PCSK7: variants seen among roughly 807,000 people sequenced by gnomAD.
PCSK7 encodes the protein proprotein convertase subtilisin/kexin type 7, also known as lymphoma proprotein convertase.
PCSK7 carries 38 observed loss-of-function variants against 73.3 expected under a neutral mutation model. That is an observed-to-expected ratio of 0.52 (90% confidence interval 0.40 to 0.68). The LOEUF (loss-of-function observed/expected upper bound fraction) is 0.68, where lower values mean the gene tolerates loss of function less well. Ranked by LOEUF, PCSK7 falls within the 30% of genes least tolerant of loss-of-function variation. The probability of loss-of-function intolerance (pLI) is 0.00; values close to 1 mark genes in which losing one functional copy is unlikely to be tolerated. For synonymous variants in PCSK7, 296 were observed against 383.8 expected, an observed-to-expected ratio of 0.77 and a Z score of 2.68; for missense variants, 692 against 991.5, an observed-to-expected ratio of 0.70 and a Z score of 4.06.
At chr11:117,227,374 G>A in intron 4 of PCSK7, 52 bp from the exon 5 acceptor site, 1 of 1,376,378 alleles carries the variant, frequency 7.3e-7, no homozygotes, top group African/African-American at 1.4e-5. Context: ...GAGGGGATCA[G>A]GTCCTGGGGT....
intron 8 of PCSK7, 116 bp from the exon 9 acceptor site, chr11:117,223,424 C>T (rs2032285964): frequency 2.8e-6 from 2 of 702,048 alleles, no homozygotes; most frequent in African/African-American, 3.5e-5. Flanking sequence ...GAGTTTGAAA[C>T]ATGATCTGAG....
Position 117,218,588 on chromosome 11 carries a change from G to A in PCSK7, c.1432-20C>T, listed in dbSNP as rs1289711301. ...CCAGATCTATGAAAGGAAAGGAGGG[G>A]ATGGCAAATCAACAAACAAGAATGA... is the stretch of plus-strand genomic sequence containing the variant. On this transcript the variant is annotated intron_variant, in intron 11 of 16. Coordinates refer to ENST00000320934, the MANE Select transcript of PCSK7 (RefSeq NM_004716.4). This position sits in a 1 kb window ranked among gnomAD's most constrained non-coding sequence, Gnocchi z 4.0. 4 of 1,366,212 alleles carry A rather than the reference G, an allele frequency of 2.9e-6. No individual in the cohort carries two copies. Among genetic ancestry groups the A allele is most frequent in the Non-Finnish European group, 4.1e-6 (4 of 971,800 alleles). 84.6% of individuals were successfully genotyped at this position (1,366,212 alleles called of 1,614,324 possible).
rs2031254888 is a variant in PCSK7 at position 117,204,522 on chromosome 11, G to C, written c.*1475C>G. 1 of 1,113,024 alleles carries C rather than the reference G, an allele frequency of 9.0e-7. No individual in the cohort carries two copies. The highest frequency in any genetic ancestry group is 1.3e-5 in the South Asian group (1 of 75,088). 68.9% of individuals were successfully genotyped at this position (1,113,024 alleles called of 1,614,324 possible). A position where few individuals can be genotyped will look rare whatever the true frequency, so the allele number is the denominator to read the frequency against. ...AACTGCACCTGGGCAGCTCCTCCCT[G>C]TGCCCCCAGCCTCAGCCCAACTTCT... On this transcript the variant is annotated 3_prime_UTR_variant, in exon 17 of 17. Coordinates refer to ENST00000320934, the MANE Select transcript of PCSK7 (RefSeq NM_004716.4).
At position 117,224,894 on chromosome 11, in the gene PCSK7, G is replaced by C. The variant is rs943615091; in HGVS notation, c.861-139C>G. ...AAGGGTTCCACTTAAAGGCTTCCGT[G>C]ATTAAAAGGCACAGGGTTCAAAGGT... On this transcript the variant is annotated intron_variant, in intron 6 of 16. Coordinates refer to ENST00000320934, the MANE Select transcript of PCSK7 (RefSeq NM_004716.4). 4.3e-6 allele frequency: 3 copies of C among 703,848 alleles called. No individual in the cohort carries two copies. In the African/African-American group the frequency reaches 5.3e-5, roughly 12 times the overall value. 43.6% of individuals were successfully genotyped at this position (703,848 alleles called of 1,614,324 possible).
Position 117,224,796 on chromosome 11 carries a change from G to A in PCSK7, c.861-41C>T, listed in dbSNP as rs746185411. On this transcript the variant is annotated intron_variant, in intron 6 of 16. Transcript: ENST00000320934. The stretch of plus-strand genomic sequence containing the variant: ...TACCTAGAGGGGACAGCCAGAGCCA[G>A]GCTGCGGCTACCCACCCAGCGCCTC... The A allele has an allele frequency of 6.6e-6, 10 of 1,525,380 alleles. No individual in the cohort carries two copies. In the East Asian group the frequency reaches 2.3e-4, roughly 34 times the overall value. The allele number at this position is 1,525,380 out of a possible 1,614,324, so 94.5% of individuals were successfully genotyped here.
At position 117,205,775 on chromosome 11, in the gene PCSK7, C is replaced by T. The variant is rs2031335462; in HGVS notation, c.*222G>A. 1 of 440,424 alleles carries T rather than the reference C, an allele frequency of 2.3e-6. No individual in the cohort carries two copies. Among genetic ancestry groups the T allele is most frequent in the Non-Finnish European group, 4.0e-6 (1 of 247,900 alleles). 27.3% of individuals were successfully genotyped at this position (440,424 alleles called of 1,614,324 possible). A position where few individuals can be genotyped will look rare whatever the true frequency, so the allele number is the denominator to read the frequency against. ...GCGCCAATCCCCTGTCCAACACCTT[C>T]TCACCAAAAGCTCCCGTTTGGCTGG... On this transcript the variant is annotated 3_prime_UTR_variant, in exon 17 of 17. Transcript: ENST00000320934.
At chr11:117,226,259 C>T (rs531225296) in intron 5 of PCSK7, 302 of 515,420 alleles carry the variant, frequency 5.9e-4, no homozygotes, top group Non-Finnish European at 9.1e-4. Context: ...GCCTCAGCCT[C>T]GAAGTAGCTG....
rs1244117497 is a variant in PCSK7, at chr11:117,218,612, G to C, written c.1432-44C>G. ...GGATGGCAAATCAACAAACAAGAAT[G>C]ATCACACCCACATTCTCACAAACAC... On this transcript the variant is annotated intron_variant, in intron 11 of 16. Transcript: ENST00000320934. This position sits in a 1 kb window ranked among gnomAD's most constrained non-coding sequence, Gnocchi z 4.0. The C allele has an allele frequency of 9.5e-7, 1 of 1,054,882 alleles. No individual in the cohort carries two copies. Among genetic ancestry groups the C allele is most frequent in the South Asian group, 1.4e-5 (1 of 72,734 alleles). 65.3% of individuals were successfully genotyped at this position (1,054,882 alleles called of 1,614,324 possible).
Position 117,227,312 on chromosome 11 carries a change from C to G in PCSK7, c.614G>C (p.Gly205Ala). The change falls in exon 5 of 17, where the codon GGT becomes GCT. Residue 205 changes from glycine to alanine, a missense_variant. Physicochemically the swap from Gly to Ala is moderately conservative, Grantham distance 60. Transcript: ENST00000320934. ...GTCATTAGAGTTGAGGTCATAGCTA[C>G]CCTCAGGGCTCTGAAATATTTTGGA... is the stretch of plus-strand genomic sequence containing the variant. ...QDIAPNYSPE[G>A]SYDLNSNDPD... is the part of the protein sequence containing the mutation. 1.2e-6 allele frequency: 2 copies of G among 1,613,128 alleles called. No individual in the cohort carries two copies. The highest frequency in any genetic ancestry group is 1.7e-6 in the Non-Finnish European group (2 of 1,179,114).
chr11:117,223,648 G>A, intron 8 of PCSK7: 1 of 371,942 alleles, frequency 2.7e-6, no homozygotes, highest in Non-Finnish European at 4.9e-6. Flanking sequence ...AGGCATCAGG[G>A]CCATATGGAA....
intron 9 of PCSK7, 162 bp downstream of exon 9, chr11:117,223,046 C>G (rs950115960): frequency 2.9e-5 from 18 of 617,396 alleles, no homozygotes; most frequent in Non-Finnish European, 4.7e-5. Flanking sequence ...CCCGAGTCTA[C>G]TACTCCAAGG....
At chr11:117,220,406 C>T (rs2032145860) in intron 9 of PCSK7, 1 of 152,318 alleles carries the variant, frequency 6.6e-6, no homozygotes, top group Non-Finnish European at 1.5e-5. Context: ...CTGCACCACA[C>T]TAATATTCTT....
chr11:117,227,127 T>A (rs756787236), intron 5 of PCSK7, 30 bp downstream of exon 5: 1 of 1,564,422 alleles, frequency 6.4e-7, no homozygotes, highest in Non-Finnish European at 8.7e-7. Flanking sequence ...AGGAGCAGCC[T>A]ACCAAGGCTA....
rs1230450335 is a variant in PCSK7 at position 117,206,814 on chromosome 11, G to A, written c.1881-16C>T. 1 of 710,246 alleles carries A rather than the reference G, an allele frequency of 1.4e-6. No homozygotes were observed. The highest frequency in any genetic ancestry group is 1.8e-5 in the African/African-American group (1 of 55,760). The allele number at this position is 710,246 out of a possible 1,614,324, so 44.0% of individuals were successfully genotyped here. On this transcript the variant is annotated splice_polypyrimidine_tract_variant and intron_variant, in intron 15 of 16. Coordinates refer to ENST00000320934, the MANE Select transcript of PCSK7 (RefSeq NM_004716.4). ...CTCTAACAGCCTGTGGAGAAGAAAA[G>A]AGGTGAGGATGCCCCACTGACTATG...
intron 8 of PCSK7, chr11:117,223,678 C>T (rs1274957570): frequency 3.5e-5 from 12 of 346,670 alleles, no homozygotes; most frequent in South Asian, 2.6e-4. Flanking sequence ...GTCCTAGTCT[C>T]GAGGAGCCTA....
In PCSK7 at chr11:117,224,726, A is replaced by G. The variant is rs2032344571; in HGVS notation, c.890T>C (p.Val297Ala). 6.2e-7 allele frequency: 1 copy of G among 1,613,610 alleles called. No homozygotes were observed. Among genetic ancestry groups the G allele is most frequent in the Non-Finnish European group, 8.5e-7 (1 of 1,179,686 alleles). The change falls in exon 7 of 17, where the codon GTG becomes GCG. Residue 297 changes from valine to alanine, a missense_variant. By Grantham distance (64) the Val-to-Ala change is moderately conservative. Around this residue, in one of 6 missense-constraint regions of PCSK7, gnomAD observed 574 missense variants for 689.8 expected, o/e 0.83. Coordinates refer to ENST00000320934, the MANE Select transcript of PCSK7 (RefSeq NM_004716.4). ...CTTTCCAAGCTGATGGGGGCCATCC[A>G]CTGTCTTCCCATCGTCATCTGGTCC... Reference protein sequence around the residue: ...SWGPDDDGKTVDGPHQLGKAA... With the variant: ...SWGPDDDGKTADGPHQLGKAA...
chr11:117,216,252 A>G (rs927940978), intron 12 of PCSK7: 3 of 152,162 alleles, frequency 2.0e-5, no homozygotes, highest in African/African-American at 7.2e-5. Flanking sequence ...ATGCTACTCT[A>G]GAGTCTTAGA....
chr11:117,224,066 T>C lies in PCSK7; in HGVS notation c.1054+12A>G, dbSNP rs775516955. 1.1e-5 allele frequency: 17 copies of C among 1,613,778 alleles called. No homozygotes were observed. The highest frequency in any genetic ancestry group is 2.2e-5 in the East Asian group (1 of 44,902). Reference sequence around the variant, plus strand: ...ACACACACACAGGAGCACAGAAACATTGGGTGACTACCTATGGTGACGGTG... The same window carrying C: ...ACACACACACAGGAGCACAGAAACACTGGGTGACTACCTATGGTGACGGTG... On this transcript the variant is annotated intron_variant, in intron 8 of 16. Coordinates refer to ENST00000320934, the MANE Select transcript of PCSK7 (RefSeq NM_004716.4).
In PCSK7 at chr11:117,219,546, G is replaced by A. The variant is rs2032112788; in HGVS notation, c.1323+45C>T. The A allele has an allele frequency of 1.9e-6, 3 of 1,578,380 alleles. No individual in the cohort carries two copies. In the Admixed American group the frequency reaches 5.7e-5, roughly 30 times the overall value. On this transcript the variant is annotated intron_variant, in intron 10 of 16. Transcript: ENST00000320934. Reference sequence around the variant, plus strand: ...TAAGGCCACCTGATACCCGAACTCTGGAGCAGGCTGGGCCAGGCCACTTGT... The same window carrying A: ...TAAGGCCACCTGATACCCGAACTCTAGAGCAGGCTGGGCCAGGCCACTTGT...
Sources: gnomAD v4.1 joint callset for allele counts on GRCh38, gnomAD v4.1.1 for gene constraint, gnomAD v4.1.1 regional missense constraint, Gnocchi (gnomAD v3.1) non-coding constraint, MANE v1.5 for transcripts, NCBI Gene and HGNC (gene_info 2026-07-23, HGNC 2026-07-21) for gene names.